Variants in GNA13 observed in about 807,000 individuals in gnomAD.
GNA13 encodes guanine nucleotide-binding protein subunit alpha-13.
In GNA13, 4 loss-of-function variants were observed where a neutral mutation model predicts 33.5. The ratio of observed to expected loss-of-function variants is 0.12; its 90% CI spans 0.06 to 0.27. The LOEUF (loss-of-function observed/expected upper bound fraction) is 0.27, where lower values mean the gene tolerates loss of function less well. Among genes scored for constraint, GNA13 ranks in the 10% least tolerant of loss-of-function variants. The pLI, the probability that GNA13 is intolerant of heterozygous loss-of-function variation, is 1.00. For missense variants in GNA13, 319 were observed against 487.2 expected (o/e 0.65, Z 3.25); for synonymous variants, 176 against 183.8 (o/e 0.96, Z 0.34).
chr17:65,055,826 T>A (rs1908031011), intron 1 of GNA13: 1 of 919,952 alleles, frequency 1.1e-6, no homozygotes, highest in African/African-American at 1.8e-5. Flanking sequence ...AAGCAGGGAG[T>A]TGGGAGCGCA....
Position 65,039,945 on chromosome 17 carries a change from G to A in GNA13, c.510+13557C>T, listed in dbSNP as rs559848629. Reference sequence around the variant, plus strand: ...ACATTTCCTGTAATCCACTACCTAGGGCTTTCTTGTCTCCTCATCACTTTT... The same window carrying A: ...ACATTTCCTGTAATCCACTACCTAGAGCTTTCTTGTCTCCTCATCACTTTT... On this transcript the variant is annotated intron_variant, in intron 2 of 3. Transcript: ENST00000439174. Among the ~76,000 whole-genome samples, 5 of 152,000 alleles carry A rather than the reference G, an allele frequency of 3.3e-5. No homozygotes were observed. The East Asian group carries it at 9.7e-4, about 29-fold the overall frequency.
In GNA13 at chr17:65,035,172, T is replaced by C. The variant is rs563581273; in HGVS notation, c.511-16869A>G. On this transcript the variant is annotated intron_variant, in intron 2 of 3. Coordinates refer to ENST00000439174, the MANE Select transcript of GNA13 (RefSeq NM_006572.6). ...GACATCATATATATTGCTGATCAGG[T>C]AGCAACATGGTAATATTTACCCCAT... Among the ~76,000 whole-genome samples, 11 of 152,310 alleles carry C rather than the reference T, an allele frequency of 7.2e-5. No individual in the cohort carries two copies. In the South Asian group the frequency reaches 2.3e-3, roughly 32 times the overall value.
intron 2 of GNA13, among the ~76,000 whole-genome samples, chr17:65,032,146 C>G (rs1019943714): frequency 6.6e-6 from 1 of 152,010 alleles, no homozygotes; most frequent in Non-Finnish European, 1.5e-5. Flanking sequence ...TTTTCAGCAA[C>G]AATTAAATGC....
intron 1 of GNA13, 47 bp from the exon 2 acceptor site, chr17:65,053,775 A>C (rs764216020): frequency 8.7e-7 from 1 of 1,146,474 alleles, no homozygotes. Context: ...GAGTCATTAC[A>C]TATTATCATA....
Position 65,013,533 on chromosome 17 carries a change from C to T in GNA13, c.*724G>A, listed in dbSNP as rs1567815524. 2.8e-5 allele frequency: 6 copies of T among 217,084 alleles called. No individual in the cohort carries two copies. The East Asian group carries it at 4.1e-4, about 15-fold the overall frequency. 13.4% of individuals were successfully genotyped at this position (217,084 alleles called of 1,614,324 possible). A position where few individuals can be genotyped will look rare whatever the true frequency, so the allele number is the denominator to read the frequency against. Reference sequence around the variant, plus strand: ...AATATGAGAAAGGCAAATTCTATTTCACTCGTTACGTTTGACCAAAACACG... The same window carrying T: ...AATATGAGAAAGGCAAATTCTATTTTACTCGTTACGTTTGACCAAAACACG... On this transcript the variant is annotated 3_prime_UTR_variant, in exon 4 of 4. Transcript: ENST00000439174.
In GNA13 at chr17:65,046,244, TAATTA is replaced by T. The variant is rs968305919; in HGVS notation, c.510+7253_510+7257del. Among the ~76,000 whole-genome samples, 21 of 152,260 alleles carry T rather than the reference TAATTA, an allele frequency of 1.4e-4. No homozygotes were observed. The South Asian group carries it at 2.9e-3, about 21-fold the overall frequency. On this transcript the variant is annotated intron_variant, in intron 2 of 3. Transcript: ENST00000439174. ...AACGTAAGATATTAAACAATTATTA[TAATTA>T]AATTAAACAATTATTATAATTATCA...
In GNA13 at chr17:65,035,824, G is replaced by T. The variant is rs143182293; in HGVS notation, c.511-17521C>A. 5.3e-3 allele frequency among the ~76,000 whole-genome samples: 784 copies of T among 148,750 alleles called. 1 individual carries two copies. The highest frequency in any genetic ancestry group is 9.2e-3 in the Non-Finnish European group (622 of 67,260). On this transcript the variant is annotated intron_variant, in intron 2 of 3. Transcript: ENST00000439174. ...TTCCCAAAAAGCAACGACTTCAATTGTTAAAAAGAAAAAAAGTATATGCTG... is the reference window on the plus strand; with the variant it reads ...TTCCCAAAAAGCAACGACTTCAATTTTTAAAAAGAAAAAAAGTATATGCTG...
At chr17:65,022,444 AAAG>A (rs1906615079) in intron 2 of GNA13, among the ~76,000 whole-genome samples, 1 of 152,190 alleles carries the variant, frequency 6.6e-6, no homozygotes, top group South Asian at 2.1e-4. Context: ...ATCCAAATAA[AAAG>A]AAGGCCCTGA....
chr17:65,045,929 T>A (rs750664952), intron 2 of GNA13, among the ~76,000 whole-genome samples: 1 of 152,178 alleles, frequency 6.6e-6, no homozygotes, highest in South Asian at 2.1e-4. Flanking sequence ...ACAGATGCCA[T>A]GTTTGAGTGC....
intron 2 of GNA13, among the ~76,000 whole-genome samples, chr17:65,033,297 C>T (rs1212614286): frequency 6.6e-6 from 1 of 150,720 alleles, no homozygotes. Context: ...CCAGCCTGGG[C>T]AACAAAGCAA....
At chr17:65,046,587 T>C (rs1014554403) in intron 2 of GNA13, among the ~76,000 whole-genome samples, 13 of 152,244 alleles carry the variant, frequency 8.5e-5, no homozygotes, top group Non-Finnish European at 1.8e-4. Context: ...TTTGGGCTAA[T>C]AGGACTGGAT....
intron 2 of GNA13, among the ~76,000 whole-genome samples, chr17:65,048,663 T>C (rs1464626382): frequency 6.6e-6 from 1 of 152,196 alleles, no homozygotes; most frequent in Non-Finnish European, 1.5e-5. Flanking sequence ...AAAACATTCA[T>C]GTTTACACCC....
chr17:65,048,835 T>C (rs1292615672), intron 2 of GNA13, among the ~76,000 whole-genome samples: 1 of 152,224 alleles, frequency 6.6e-6, no homozygotes, highest in African/African-American at 2.4e-5. Context: ...TGTGCATTAA[T>C]AAGTTTAATA....
rs562209472 is a variant in GNA13 at position 65,018,274 on chromosome 17, G to A, written c.540C>T (p.Asn180=). The A allele has an allele frequency of 1.3e-6, 2 of 1,529,412 alleles. No homozygotes were observed. Among genetic ancestry groups the A allele is most frequent in the African/African-American group, 1.4e-5 (1 of 73,398 alleles). The allele number at this position is 1,529,412 out of a possible 1,614,324, so 94.7% of individuals were successfully genotyped here. A position where few individuals can be genotyped will look rare whatever the true frequency, so the allele number is the denominator to read the frequency against. ...TTACTGGTTCTCCAAGTTTATCCAA[G>A]TTATCCAGGAAATATTTTACAGATT... The part of the protein sequence containing the change: ...LGESVKYFLD[N]LDKLGEPDYI... Residue 180 remains asparagine, a synonymous_variant, in exon 3 of 4, where the codon AAC becomes AAT. Transcript: ENST00000439174.
rs1011401591 is a variant in GNA13 at position 65,012,473 on chromosome 17, G to A, written c.*1784C>T. On this transcript the variant is annotated 3_prime_UTR_variant, in exon 4 of 4. Coordinates refer to ENST00000439174, the MANE Select transcript of GNA13 (RefSeq NM_006572.6). The stretch of plus-strand genomic sequence containing the variant: ...CGCATGAATGATACCATGATACCAC[G>A]AACATGCACGATACCATGAACTTGC... The A allele has an allele frequency of 4.6e-6, 1 of 219,328 alleles. No homozygotes were observed. Among genetic ancestry groups the A allele is most frequent in the African/African-American group, 2.2e-5 (1 of 44,670 alleles). 13.6% of individuals were successfully genotyped at this position (219,328 alleles called of 1,614,324 possible).
chr17:65,054,538 T>C (rs964754664), intron 1 of GNA13, among the ~76,000 whole-genome samples: 6 of 152,218 alleles, frequency 3.9e-5, no homozygotes, highest in South Asian at 4.1e-4. Context: ...CTGGAACTCC[T>C]GGGCTCAAGC....
At position 65,012,600 on chromosome 17, in the gene GNA13, A is replaced by G. The variant is rs1263231710; in HGVS notation, c.*1657T>C. ...TGATAGTGGAAGTTCAAATGTGAGA[A>G]AAGTCAGGTATGTCAAGAACAATCC... On this transcript the variant is annotated 3_prime_UTR_variant, in exon 4 of 4. Coordinates refer to ENST00000439174, the MANE Select transcript of GNA13 (RefSeq NM_006572.6). The G allele has an allele frequency of 1.3e-5, 3 of 226,948 alleles. No individual in the cohort carries two copies. Among genetic ancestry groups the G allele is most frequent in the African/African-American group, 2.2e-5 (1 of 45,000 alleles). 14.1% of individuals were successfully genotyped at this position (226,948 alleles called of 1,614,324 possible).
intron 2 of GNA13, among the ~76,000 whole-genome samples, chr17:65,039,666 C>A (rs1455906135): frequency 6.6e-6 from 1 of 152,214 alleles, no homozygotes; most frequent in East Asian, 1.9e-4. Context: ...CTCAGACCAT[C>A]CTCTTGGTCT....
At chr17:65,029,658 T>C (rs2143793373) in intron 2 of GNA13, among the ~76,000 whole-genome samples, 1 of 152,348 alleles carries the variant, frequency 6.6e-6, no homozygotes, top group Non-Finnish European at 1.5e-5. Context: ...TATTTTTATA[T>C]GTAGTCCTAC....
Sources: allele counts gnomAD v4.1 joint callset (sites outside exome capture counted in the v4.1 genomes callset), GRCh38; gene constraint gnomAD v4.1.1; transcripts MANE v1.5; gene names NCBI Gene and HGNC (gene_info 2026-07-23, HGNC 2026-07-21).